Variants in RGL4 observed in about 807,000 individuals in gnomAD.
The protein encoded by RGL4 is ral guanine nucleotide dissociation stimulator like 4, also known as ral-GDS-related protein.
RGL4 carries 41 observed loss-of-function variants against 49.6 expected under a neutral mutation model. The observed-to-expected ratio is 0.83, with a 90% CI of 0.64 to 1.07. RGL4 has a LOEUF of 1.07. Ranked by LOEUF, RGL4 falls within the 50% of genes least tolerant of loss-of-function variation. The pLI, the probability that RGL4 is intolerant of heterozygous loss-of-function variation, is 0.00. For missense variants in RGL4, 610 were observed against 591.9 expected (o/e 1.03, Z -0.32); for synonymous variants, 255 against 238.0 (o/e 1.07, Z -0.66).
intron 6 of RGL4, chr22:23,695,253 G>T: frequency 2.0e-6 from 1 of 497,824 alleles, no homozygotes; most frequent in South Asian, 1.9e-5. Flanking sequence ...AATGGGATGT[G>T]GCAATGGCTG....
chr22:23,697,524 T>C (rs1461840604), intron 8 of RGL4, among the ~76,000 whole-genome samples: 1 of 152,156 alleles, frequency 6.6e-6, no homozygotes, highest in Non-Finnish European at 1.5e-5. Flanking sequence ...AGCTTCTCCC[T>C]AGGGTAGTCC....
intron 10 of RGL4, 49 bp from the exon 11 acceptor site, chr22:23,698,795 C>T (rs1309825273): frequency 1.9e-6 from 3 of 1,576,390 alleles, no homozygotes; most frequent in Non-Finnish European, 2.6e-6. Flanking sequence ...TGACAGGGGA[C>T]CTGATGTGTG....
At chr22:23,694,673 G>A (rs1923368407) in intron 5 of RGL4, 4 of 596,046 alleles carry the variant, frequency 6.7e-6, no homozygotes, top group Non-Finnish European at 1.2e-5. Flanking sequence ...GGAGCCAACT[G>A]GAGGCTTTCA....
rs1006256392 is a variant in RGL4, at chr22:23,692,179, G to C, written c.149G>C (p.Cys50Ser). 5 of 1,614,038 alleles carry C rather than the reference G, an allele frequency of 3.1e-6. No homozygotes were observed. The African/African-American group carries it at 5.3e-5, about 17-fold the overall frequency. Residue 50 changes from cysteine to serine, a missense_variant, in exon 1 of 11, where the codon TGC becomes TCC. Cys to Ser is a moderately radical substitution (Grantham distance 112, BLOSUM62 -1). Transcript: ENST00000290691. Reference sequence around the variant, plus strand: ...ACAGCCCTGCTGTATGGCCAGGTCTGCCCCTTCCAGGACAGCACTGATGGC... The same window carrying C: ...ACAGCCCTGCTGTATGGCCAGGTCTCCCCCTTCCAGGACAGCACTGATGGC... Reference protein sequence around the residue: ...VCTALLYGQVCPFQDSTDGLR... With the variant: ...VCTALLYGQVSPFQDSTDGLR...
chr22:23,694,164 G>T, intron 4 of RGL4, 183 bp from the exon 5 acceptor site: 1 of 713,196 alleles, frequency 1.4e-6, no homozygotes. Context: ...CCGACCTGGG[G>T]TCTTCCTTGG....
chr22:23,695,556 T>C, intron 6 of RGL4: 1 of 428,026 alleles, frequency 2.3e-6, no homozygotes, highest in South Asian at 1.7e-5. Flanking sequence ...GAAGCTCATG[T>C]GGCAGGGAGT....
Position 23,691,798 on chromosome 22 carries a change from C to T in RGL4, c.-233C>T. 1 of 485,130 alleles carries T rather than the reference C, an allele frequency of 2.1e-6. No individual in the cohort carries two copies. Among genetic ancestry groups the T allele is most frequent in the Non-Finnish European group, 3.7e-6 (1 of 268,456 alleles). The allele number at this position is 485,130 out of a possible 1,614,324, so 30.1% of individuals were successfully genotyped here. On this transcript the variant is annotated 5_prime_UTR_variant, in exon 1 of 11. Transcript: ENST00000290691. ...TCTGGGGCTCATACTTCTTATAATTCCCACGAGAAGGCTGACATCTGGGGA... is the reference window on the plus strand; with the variant it reads ...TCTGGGGCTCATACTTCTTATAATTTCCACGAGAAGGCTGACATCTGGGGA...
At chr22:23,695,120 T>G in intron 6 of RGL4, 101 bp downstream of exon 6, 1 of 874,854 alleles carries the variant, frequency 1.1e-6, no homozygotes, top group Non-Finnish European at 1.9e-6. Context: ...TTATTTTGTT[T>G]GGTTTTGACT....
intron 3 of RGL4, among the ~76,000 whole-genome samples, chr22:23,693,512 G>A (rs1157275348): frequency 6.6e-6 from 1 of 152,170 alleles, no homozygotes; most frequent in Non-Finnish European, 1.5e-5. Flanking sequence ...GATGGCCTGG[G>A]AGAAAATGTC....
intron 9 of RGL4, 138 bp downstream of exon 9, chr22:23,697,999 C>A: frequency 2.5e-6 from 3 of 1,211,218 alleles, no homozygotes; most frequent in Non-Finnish European, 2.3e-6. Flanking sequence ...GAGGAGGGGA[C>A]CTATCCCAGG....
intron 3 of RGL4, 23 bp downstream of exon 3, chr22:23,693,014 C>T (rs1465339886): frequency 1.3e-6 from 2 of 1,565,158 alleles, no homozygotes; most frequent in Admixed American, 3.5e-5. Context: ...GCTTTGCAGG[C>T]TGTGTCTCTG....
chr22:23,693,197 G>C (rs1290636453), intron 3 of RGL4: 4 of 875,092 alleles, frequency 4.6e-6, no homozygotes, highest in African/African-American at 1.7e-5. Flanking sequence ...GCTGCACAGA[G>C]TGACTGTGCA....
intron 6 of RGL4, 74 bp downstream of exon 6, chr22:23,695,093 G>A (rs1923399441): frequency 3.5e-6 from 4 of 1,145,094 alleles, no homozygotes; most frequent in East Asian, 4.7e-5. Flanking sequence ...AAGGGCATTG[G>A]ACCAGGTGTC....
intron 10 of RGL4, 56 bp from the exon 11 acceptor site, chr22:23,698,788 C>G (rs1250590540): frequency 9.0e-6 from 14 of 1,561,144 alleles, no homozygotes; most frequent in Middle Eastern, 1.9e-4. Flanking sequence ...CAGGCACTGA[C>G]AGGGGACCTG....
Position 23,693,931 on chromosome 22 carries a change from G to A in RGL4, c.869G>A (p.Arg290Gln), listed in dbSNP as rs145535096. 17 of 1,613,756 alleles carry A rather than the reference G, an allele frequency of 1.1e-5. No individual in the cohort carries two copies. The highest frequency in any genetic ancestry group is 6.7e-5 in the Admixed American group (4 of 60,014). ...SCLGDHSMRA[R>Q]DRARVVEHWI... Reference sequence around the variant, plus strand: ...CTCGGGGACCACAGCATGAGGGCCCGGGACAGGGCCAGGGTGGTGGAGCAC... The same window carrying A: ...CTCGGGGACCACAGCATGAGGGCCCAGGACAGGGCCAGGGTGGTGGAGCAC... Residue 290 changes from arginine (R) to glutamine (Q), a missense_variant, in exon 4 of 11, where the codon CGG becomes CAG. Coordinates refer to ENST00000290691, the MANE Select transcript of RGL4 (RefSeq NM_153615.2).
Position 23,693,959 on chromosome 22 carries a change from G to T in RGL4, c.897G>T (p.Trp299Cys). 1.2e-6 allele frequency: 2 copies of T among 1,613,696 alleles called. No individual in the cohort carries two copies. The highest frequency in any genetic ancestry group is 1.7e-6 in the Non-Finnish European group (2 of 1,180,000). Residue 299 changes from tryptophan (W) to cysteine (C), a missense_variant, in exon 4 of 11, where the codon TGG becomes TGT. By Grantham distance (215) the Trp-to-Cys change is radical. Coordinates refer to ENST00000290691, the MANE Select transcript of RGL4 (RefSeq NM_153615.2). ...ARDRARVVEH[W>C]IKVARECLSL... ...ACAGGGCCAGGGTGGTGGAGCACTG[G>T]ATCAAGGTGGCCAGGGTAAGCTATG...
chr22:23,697,941 C>T (rs1923619089), intron 9 of RGL4, 80 bp downstream of exon 9: 1 of 1,490,650 alleles, frequency 6.7e-7, no homozygotes, highest in Non-Finnish European at 9.2e-7. Flanking sequence ...CACTCCCTGG[C>T]TCCATCCTCT....
intron 3 of RGL4, chr22:23,693,207 A>G (rs1569118677): frequency 4.9e-6 from 4 of 819,470 alleles, no homozygotes; most frequent in Non-Finnish European, 3.7e-6. Flanking sequence ...GTGACTGTGC[A>G]GACTGAGTGA....
chr22:23,694,847 C>A, intron 5 of RGL4, 103 bp from the exon 6 acceptor site: 1 of 913,932 alleles, frequency 1.1e-6, no homozygotes, highest in African/African-American at 1.6e-5. Flanking sequence ...AAAACTCTCA[C>A]CCAGTAAGCT....
Sources: gnomAD v4.1 joint callset for allele counts (sites outside exome capture counted in the v4.1 genomes callset) on GRCh38, gnomAD v4.1.1 for gene constraint, MANE v1.5 for transcripts, NCBI Gene and HGNC (gene_info 2026-07-23, HGNC 2026-07-21) for gene names.